KDM5B: variants seen among roughly 807,000 people sequenced by gnomAD.
KDM5B encodes lysine-specific demethylase 5B.
Under a neutral mutation model 193.4 loss-of-function variants are expected in KDM5B, and 144 were observed. That is an observed-to-expected ratio of 0.74 (90% confidence interval 0.65 to 0.86). The LOEUF (loss-of-function observed/expected upper bound fraction) is 0.86, where lower values mean the gene tolerates loss of function less well. Among genes scored for constraint, KDM5B ranks in the 40% least tolerant of loss-of-function variants. KDM5B has a pLI of 0.00. For missense variants in KDM5B, 1,833 were observed against 1,886.9 expected (o/e 0.97, Z 0.53); for synonymous variants, 668 against 682.6 (o/e 0.98, Z 0.33).
rs143147090 is a variant in KDM5B, at chr1:202,775,105, C to T, written c.283-370G>A. Among the ~76,000 whole-genome samples the T allele has an allele frequency of 1.9e-3, 287 of 149,750 alleles. 2 individuals carry two copies. The highest frequency in any genetic ancestry group is 6.7e-3 in the African/African-American group (272 of 40,758). ...AACAAAAATCAGCCTAGTGTGGTGG[C>T]GCGTGCCTGTAATCCCAGCTACTCA... On this transcript the variant is annotated intron_variant, in intron 2 of 26. Coordinates refer to ENST00000367265, the MANE Select transcript of KDM5B (RefSeq NM_006618.5).
chr1:202,797,603 A>T (rs1275523380), intron 1 of KDM5B, among the ~76,000 whole-genome samples: 1 of 152,210 alleles, frequency 6.6e-6, no homozygotes, highest in African/African-American at 2.4e-5. Context: ...CAAGTAGGAT[A>T]ATTGCAAAAT....
chr1:202,750,559 G>A, intron 13 of KDM5B, 100 bp downstream of exon 13: 2 of 1,300,510 alleles, frequency 1.5e-6, no homozygotes, highest in Non-Finnish European at 1.1e-6. Flanking sequence ...ATAGGCATGA[G>A]CTACCGCACC....
In KDM5B at chr1:202,745,854, A is replaced by C. The variant is rs761028980; in HGVS notation, c.2323+4T>G. On this transcript the variant is annotated splice_donor_region_variant and intron_variant, in intron 16 of 26. Coordinates refer to ENST00000367265, the MANE Select transcript of KDM5B (RefSeq NM_006618.5). ...ATCACCAAGTCACTTTCTGTATCAC[A>C]TACTTTTCTTCTTGTTGATCTTTGC... 8.1e-6 allele frequency: 13 copies of C among 1,613,826 alleles called. No individual in the cohort carries two copies. The highest frequency in any genetic ancestry group is 1.3e-5 in the African/African-American group (1 of 74,912).
chr1:202,794,421 A>T (rs1213191772), intron 1 of KDM5B, among the ~76,000 whole-genome samples: 1 of 152,214 alleles, frequency 6.6e-6, no homozygotes, highest in Non-Finnish European at 1.5e-5. Flanking sequence ...AGTTCCAATC[A>T]AGTGCTTGAA....
chr1:202,729,622 A>T, intron 26 of KDM5B, 85 bp downstream of exon 26: 2 of 1,159,066 alleles, frequency 1.7e-6, no homozygotes, highest in Middle Eastern at 2.9e-4. Context: ...TAAGCAGAGG[A>T]GAAAGACCCA....
At chr1:202,792,911 C>T (rs888029334) in intron 1 of KDM5B, among the ~76,000 whole-genome samples, 2 of 151,380 alleles carry the variant, frequency 1.3e-5, no homozygotes, top group African/African-American at 4.9e-5. Context: ...GCAGGAGAAT[C>T]GCTTGAACCC....
intron 22 of KDM5B, 45 bp from the exon 23 acceptor site, chr1:202,733,931 G>C: frequency 1.3e-6 from 2 of 1,557,718 alleles, no homozygotes; most frequent in South Asian, 1.2e-5. Flanking sequence ...AGATGGCTTG[G>C]CCTTCCCCTA....
intron 11 of KDM5B, 69 bp from the exon 12 acceptor site, chr1:202,753,136 A>G (rs1175372046): frequency 2.2e-6 from 3 of 1,366,284 alleles, no homozygotes; most frequent in Admixed American, 2.1e-5. Context: ...ACCAGTTCAT[A>G]TTTTTCAGAC....
chr1:202,733,315 A>G, intron 23 of KDM5B, 86 bp downstream of exon 23: 2 of 1,474,524 alleles, frequency 1.4e-6, no homozygotes, highest in South Asian at 1.3e-5. Context: ...ACACCAAGGG[A>G]ATAGCAACAC....
chr1:202,762,735 T>C lies in KDM5B; in HGVS notation c.882A>G (p.Glu294=). Residue 294 remains glutamate, a synonymous_variant, in exon 7 of 27, where the codon GAA becomes GAG. Transcript: ENST00000367265. ...RKDYIVENEK[E]KPKSRSKKAT... ...CTTTTTTAGATCGACTCTTGGGCTTTTCCTTCTCATTTTCTACAATATAAT... is the reference window on the plus strand; with the variant it reads ...CTTTTTTAGATCGACTCTTGGGCTTCTCCTTCTCATTTTCTACAATATAAT... 6.2e-7 allele frequency: 1 copy of C among 1,609,634 alleles called. No homozygotes were observed. Among genetic ancestry groups the C allele is most frequent in the Non-Finnish European group, 8.5e-7 (1 of 1,175,998 alleles).
intron 19 of KDM5B, 136 bp from the exon 20 acceptor site, chr1:202,740,948 T>C: frequency 3.6e-6 from 3 of 823,262 alleles, no homozygotes; most frequent in Non-Finnish European, 5.6e-6. Flanking sequence ...TCTATTCCTG[T>C]TGAAAATTAT....
At position 202,742,780 on chromosome 1, in the gene KDM5B, A is replaced by G; in HGVS notation, c.2349T>C (p.Ile783=). 6.2e-7 allele frequency: 1 copy of G among 1,614,162 alleles called. No individual in the cohort carries two copies. Among genetic ancestry groups the G allele is most frequent in the Non-Finnish European group, 8.5e-7 (1 of 1,179,992 alleles). ...GGAATTTCTTCATTTCAGATTCTTCAATTAAAGCCTTGAAGCTGACAAGGC... is the reference window on the plus strand; with the variant it reads ...GGAATTTCTTCATTTCAGATTCTTCGATTAAAGCCTTGAAGCTGACAAGGC... ...KKSLVSFKAL[I]EESEMKKFPD... is the part of the protein sequence containing the mutation. The change falls in exon 17 of 27, where the codon ATT becomes ATC. Residue 783 remains isoleucine (I), a synonymous_variant. Coordinates refer to ENST00000367265, the MANE Select transcript of KDM5B (RefSeq NM_006618.5).
At chr1:202,785,459 T>C (rs973174995) in intron 1 of KDM5B, among the ~76,000 whole-genome samples, 5 of 142,756 alleles carry the variant, frequency 3.5e-5, no homozygotes, top group African/African-American at 9.9e-5. Flanking sequence ...CAAGTCACAC[T>C]GCCTGGGTTC....
At position 202,726,030 on chromosome 1, in the gene KDM5B, C is replaced by T. The variant is rs1464103472; in HGVS notation, c.*3006G>A. 6.6e-6 allele frequency: 1 copy of T among 152,116 alleles called. No homozygotes were observed. Among genetic ancestry groups the T allele is most frequent in the Non-Finnish European group, 1.5e-5 (1 of 68,022 alleles). The allele number at this position is 152,116 out of a possible 1,614,324, so 9.4% of individuals were successfully genotyped here. On this transcript the variant is annotated 3_prime_UTR_variant, in exon 27 of 27. Coordinates refer to ENST00000367265, the MANE Select transcript of KDM5B (RefSeq NM_006618.5). Reference sequence around the variant, plus strand: ...TTACAAAGGGCCTTCAGAGTACAACCCAAATCAGTAGAGAGCCATGTTTCA... The same window carrying T: ...TTACAAAGGGCCTTCAGAGTACAACTCAAATCAGTAGAGAGCCATGTTTCA...
In KDM5B at chr1:202,752,992, A is replaced by G; in HGVS notation, c.1614T>C (p.Ala538=). ...CCGGCTGGGACACAAAGAGTTCTGG[A>G]GCTAGTTTCTTCATTACATTTTCTA... The part of the protein sequence containing the change: ...EQLENVMKKL[A]PELFVSQPDL... Residue 538 remains alanine (A), a synonymous_variant, in exon 12 of 27, where the codon GCT becomes GCC. Transcript: ENST00000367265. The G allele has an allele frequency of 6.2e-7, 1 of 1,614,102 alleles. No homozygotes were observed. The highest frequency in any genetic ancestry group is 8.5e-7 in the Non-Finnish European group (1 of 1,179,988).
intron 1 of KDM5B, among the ~76,000 whole-genome samples, chr1:202,802,457 A>T (rs1658115331): frequency 6.6e-6 from 1 of 152,000 alleles, no homozygotes. Flanking sequence ...CAATGGAGTG[A>T]TCTCGGCTCA....
At chr1:202,775,472 G>A (rs1026915386) in intron 2 of KDM5B, among the ~76,000 whole-genome samples, 1 of 152,054 alleles carries the variant, frequency 6.6e-6, no homozygotes, top group African/African-American at 2.4e-5. Flanking sequence ...GGGAGGTGGA[G>A]GTTGCAGTGA....
At chr1:202,803,115 T>A (rs1023142450) in intron 1 of KDM5B, among the ~76,000 whole-genome samples, 1 of 151,992 alleles carries the variant, frequency 6.6e-6, no homozygotes, top group East Asian at 1.9e-4. Context: ...GAGCCTTGAT[T>A]GCAACACTGC....
intron 14 of KDM5B, among the ~76,000 whole-genome samples, chr1:202,747,703 C>G (rs1471464404): frequency 6.6e-6 from 1 of 151,968 alleles, no homozygotes; most frequent in Non-Finnish European, 1.5e-5. Context: ...TCAATTGTCT[C>G]TCTAAATACT....
Sources: allele counts gnomAD v4.1 joint callset (sites outside exome capture counted in the v4.1 genomes callset), GRCh38; gene constraint gnomAD v4.1.1; transcripts MANE v1.5; gene names NCBI Gene and HGNC (gene_info 2026-07-23, HGNC 2026-07-21).